FSIP1: variants seen among roughly 807,000 people sequenced by gnomAD.
FSIP1 encodes the protein fibrous sheath-interacting protein 1.
In FSIP1, 65 loss-of-function variants were observed where a neutral mutation model predicts 60.9. The ratio of observed to expected loss-of-function variants is 1.07; its 90% CI spans 0.87 to 1.31. The LOEUF (loss-of-function observed/expected upper bound fraction) is 1.31, where lower values mean the gene tolerates loss of function less well. Ranked by LOEUF, FSIP1 falls within the 40% of genes most tolerant of loss-of-function variation. FSIP1 has a pLI of 0.00. For missense variants in FSIP1, 675 were observed against 665.5 expected (o/e 1.01, Z -0.16); for synonymous variants, 209 against 221.2 (o/e 0.94, Z 0.49).
At chr15:39,614,705 AAATGT>A (rs568294195) in intron 11 of FSIP1, among the ~76,000 whole-genome samples, 182 of 152,284 alleles carry the variant, frequency 1.2e-3, no homozygotes, top group African/African-American at 4.1e-3. Context: ...TTAATGGTTA[AAATGT>A]TCACACTATC....
At chr15:39,709,109 A>C (rs1406888291) in intron 10 of FSIP1, among the ~76,000 whole-genome samples, 1 of 152,192 alleles carries the variant, frequency 6.6e-6, no homozygotes, top group Admixed American at 6.5e-5. Flanking sequence ...TCCAGCATTT[A>C]CTGACAAATC....
chr15:39,712,193 G>T lies in FSIP1; in HGVS notation c.1188+1251C>A, dbSNP rs1381244055. On this transcript the variant is annotated intron_variant, in intron 10 of 11. Transcript: ENST00000350221. ...GGGGGCCTGAGCTCCTGTAGGCTCT[G>T]TGTCAGTGCTGCTGCAGTGGGCCTG... Among the ~76,000 whole-genome samples, 5 of 143,306 alleles carry T rather than the reference G, an allele frequency of 3.5e-5. No individual in the cohort carries two copies. The South Asian group carries it at 1.1e-3, about 31-fold the overall frequency. The allele number at this position is 143,306 out of a possible 152,430, so 94.0% of individuals were successfully genotyped here. A position where few individuals can be genotyped will look rare whatever the true frequency, so the allele number is the denominator to read the frequency against.
At chr15:39,649,737 G>T (rs1288183393) in intron 10 of FSIP1, among the ~76,000 whole-genome samples, 4 of 152,180 alleles carry the variant, frequency 2.6e-5, no homozygotes, top group Non-Finnish European at 5.9e-5. Flanking sequence ...AGCGTTCCCT[G>T]TCGGATCAAG....
chr15:39,772,031 C>T (rs1897905564), intron 2 of FSIP1, among the ~76,000 whole-genome samples: 2 of 152,156 alleles, frequency 1.3e-5, no homozygotes, highest in African/African-American at 4.8e-5. Context: ...CTTCAGCGTA[C>T]CCCAAGACCT....
intron 5 of FSIP1, among the ~76,000 whole-genome samples, chr15:39,758,170 C>A (rs566468779): frequency 6.6e-6 from 1 of 151,980 alleles, no homozygotes; most frequent in Admixed American, 6.6e-5. Flanking sequence ...GTCAAATATA[C>A]GGGCCAGGAG....
chr15:39,726,156 A>G (rs1277299886), intron 9 of FSIP1, among the ~76,000 whole-genome samples: 2 of 152,200 alleles, frequency 1.3e-5, no homozygotes, highest in African/African-American at 4.8e-5. Flanking sequence ...CTCTCATAGG[A>G]GAGAAGTCAA....
At chr15:39,690,636 G>A (rs549930848) in intron 10 of FSIP1, among the ~76,000 whole-genome samples, 2 of 152,302 alleles carry the variant, frequency 1.3e-5, no homozygotes, top group African/African-American at 2.4e-5. Flanking sequence ...AGTCCAAGAT[G>A]AGTCCACATT....
intron 10 of FSIP1, among the ~76,000 whole-genome samples, chr15:39,646,499 C>T (rs1892614716): frequency 9.1e-6 from 1 of 110,384 alleles, no homozygotes; most frequent in Non-Finnish European, 1.7e-5. Flanking sequence ...GCCTGCGTAA[C>T]ATAGCGAGAC....
At chr15:39,745,952 A>G (rs1324411601) in intron 5 of FSIP1, among the ~76,000 whole-genome samples, 1 of 152,018 alleles carries the variant, frequency 6.6e-6, no homozygotes, top group Non-Finnish European at 1.5e-5. Flanking sequence ...GGTGGCATGT[A>G]CCTGTAATCT....
intron 10 of FSIP1, among the ~76,000 whole-genome samples, chr15:39,631,085 T>C (rs1042886971): frequency 1.3e-5 from 2 of 152,222 alleles, no homozygotes; most frequent in Non-Finnish European, 1.5e-5. Context: ...CTCATCTCTG[T>C]GTTCCCATAC....
chr15:39,644,243 T>C (rs7162781), intron 10 of FSIP1, among the ~76,000 whole-genome samples: 33,643 of 152,112 alleles, frequency 0.22, 5,171 homozygotes, highest in African/African-American at 0.43. Context: ...TCCCGAACAC[T>C]TCCCCTCGCT....
intron 3 of FSIP1, among the ~76,000 whole-genome samples, chr15:39,769,373 G>A (rs896425254): frequency 2.0e-5 from 3 of 151,702 alleles, no homozygotes; most frequent in African/African-American, 7.3e-5. Context: ...TCACTTCAAA[G>A]CTCAAATTTT....
At chr15:39,680,396 G>T (rs1402423653) in intron 10 of FSIP1, among the ~76,000 whole-genome samples, 1 of 152,160 alleles carries the variant, frequency 6.6e-6, no homozygotes, top group Non-Finnish European at 1.5e-5. Flanking sequence ...TTTTGACATG[G>T]TATCATAATT....
At chr15:39,708,945 A>G (rs1461733244) in intron 10 of FSIP1, among the ~76,000 whole-genome samples, 1 of 152,088 alleles carries the variant, frequency 6.6e-6, no homozygotes, top group East Asian at 1.9e-4. Flanking sequence ...CATTGTGTCT[A>G]CTTCCCCTAG....
intron 10 of FSIP1, among the ~76,000 whole-genome samples, chr15:39,680,015 T>C (rs941870009): frequency 6.6e-6 from 1 of 152,172 alleles, no homozygotes; most frequent in African/African-American, 2.4e-5. Flanking sequence ...TTGAGCAAGC[T>C]CCCACAGTAC....
intron 5 of FSIP1, among the ~76,000 whole-genome samples, chr15:39,746,714 G>A (rs1296930191): frequency 2.0e-5 from 3 of 152,136 alleles, no homozygotes; most frequent in African/African-American, 4.8e-5. Flanking sequence ...CTAAAAACTT[G>A]TTGGCATCCT....
At chr15:39,733,639 G>A (rs775268263) in intron 8 of FSIP1, among the ~76,000 whole-genome samples, 6 of 152,082 alleles carry the variant, frequency 3.9e-5, no homozygotes, top group Non-Finnish European at 5.9e-5. Flanking sequence ...AAATGGCTAC[G>A]CGATACAGCT....
rs190042459 is a variant in FSIP1, at chr15:39,615,971, G to A, written c.1699+1764C>T. On this transcript the variant is annotated intron_variant, in intron 11 of 11. Coordinates refer to ENST00000350221, the MANE Select transcript of FSIP1 (RefSeq NM_152597.5). ...TTCAAGTGTCTTACCACAAAAAAATGGTAAGTGAGGTGATAGATAATGTAA... is the reference window on the plus strand; with the variant it reads ...TTCAAGTGTCTTACCACAAAAAAATAGTAAGTGAGGTGATAGATAATGTAA... Among the ~76,000 whole-genome samples the A allele has an allele frequency of 5.7e-3, 817 of 143,784 alleles. 8 individuals are homozygous for A. The highest frequency in any genetic ancestry group is 0.022 in the African/African-American group (787 of 36,476). 94.3% of individuals were successfully genotyped at this position (143,784 alleles called of 152,430 possible).
Position 39,617,750 on chromosome 15 carries a change from C to T in FSIP1, c.1684G>A (p.Glu562Lys), listed in dbSNP as rs866552400. The change falls in exon 11 of 12, where the codon GAG becomes AAG. Residue 562 changes from glutamate to lysine, a missense_variant. Transcript: ENST00000350221. Reference protein sequence around the residue: ...EDQHLKLSSPENTIADEQETK... With the variant: ...EDQHLKLSSPKNTIADEQETK... ...CAAGCCTCACCTGCTATTGTATTCT[C>T]TGGAGAACTGAGTTTCAGATGTTGG... is the stretch of plus-strand genomic sequence containing the variant. 1.2e-5 allele frequency: 20 copies of T among 1,613,096 alleles called. No individual in the cohort carries two copies. The African/African-American group carries it at 2.1e-4, about 17-fold the overall frequency.
Sources: gnomAD v4.1 joint callset for allele counts (sites outside exome capture counted in the v4.1 genomes callset) on GRCh38, gnomAD v4.1.1 for gene constraint, MANE v1.5 for transcripts, NCBI Gene and HGNC (gene_info 2026-07-23, HGNC 2026-07-21) for gene names.